PIP5K1C: variants seen among roughly 807,000 people sequenced by gnomAD.
PIP5K1C encodes phosphatidylinositol-4-phosphate 5-kinase type 1 gamma.
In PIP5K1C, 45 loss-of-function variants were observed where a neutral mutation model predicts 80.1. The ratio of observed to expected loss-of-function variants is 0.56; its 90% CI spans 0.44 to 0.72. The LOEUF is 0.72. Among genes scored for constraint, PIP5K1C ranks in the 30% least tolerant of loss-of-function variants. The pLI is 0.00. For synonymous variants in PIP5K1C, 498 were observed against 420.1 expected, an observed-to-expected ratio of 1.19 and a Z score of -2.27; for missense variants, 753 against 954.6, an observed-to-expected ratio of 0.79 and a Z score of 2.78.
At chr19:3,660,925 C>G in intron 5 of PIP5K1C, 41 bp downstream of exon 5, 1 of 1,508,126 alleles carries the variant, frequency 6.6e-7, no homozygotes, top group East Asian at 2.3e-5. Flanking sequence ...TGAACATGTT[C>G]TGTTTCAAGC....
chr19:3,644,790 C>T (rs569677012), intron 11 of PIP5K1C, among the ~76,000 whole-genome samples: 74 of 152,302 alleles, frequency 4.9e-4, no homozygotes, highest in South Asian at 1.9e-3. Context: ...GGTGATGTCC[C>T]GCACAGGGCC....
At chr19:3,661,814 C>G (rs560208876) in intron 4 of PIP5K1C, 57 bp downstream of exon 4, 1 of 1,600,804 alleles carries the variant, frequency 6.2e-7, no homozygotes, top group African/African-American at 1.3e-5. Flanking sequence ...CAGGCCACTC[C>G]GCCTCAGAGC....
At chr19:3,633,329 G>A (rs2033527004) in intron 17 of PIP5K1C, 108 bp downstream of exon 17, 3 of 820,424 alleles carry the variant, frequency 3.7e-6, no homozygotes, top group Non-Finnish European at 3.8e-6. Flanking sequence ...GGCCACCTGT[G>A]CCCTCCCGCC....
chr19:3,671,953 A>C (rs2145532972), intron 1 of PIP5K1C, among the ~76,000 whole-genome samples: 1 of 152,328 alleles, frequency 6.6e-6, no homozygotes, highest in South Asian at 2.1e-4. Flanking sequence ...AGGAAAGGCG[A>C]GCCGCGCTGC....
chr19:3,633,648 G>T (rs972041240), intron 16 of PIP5K1C, 128 bp from the exon 17 acceptor site: 1 of 587,594 alleles, frequency 1.7e-6, no homozygotes, highest in Non-Finnish European at 2.6e-6. Context: ...AAGACGAGGG[G>T]TGGCTCAGCC....
rs926352921 is a variant in PIP5K1C, at chr19:3,631,962, G to C, written c.*1205C>G. 1.3e-5 allele frequency: 2 copies of C among 152,278 alleles called. No homozygotes were observed. Among genetic ancestry groups the C allele is most frequent in the Non-Finnish European group, 2.9e-5 (2 of 68,082 alleles). 9.4% of individuals were successfully genotyped at this position (152,278 alleles called of 1,614,324 possible). ...CAATAAGCCCCTCTCAGGGGTCCTG[G>C]GGAAGGGCAGGGTGGGTGACTCTGC... is the stretch of plus-strand genomic sequence containing the variant. On this transcript the variant is annotated 3_prime_UTR_variant, in exon 18 of 18. Coordinates refer to ENST00000335312, the MANE Select transcript of PIP5K1C (RefSeq NM_012398.3).
intron 1 of PIP5K1C, among the ~76,000 whole-genome samples, chr19:3,687,902 C>T (rs2035814184): frequency 2.0e-5 from 3 of 152,202 alleles, no homozygotes; most frequent in South Asian, 2.1e-4. Flanking sequence ...TCCAGAACTC[C>T]GCAGGCCCTG....
intron 12 of PIP5K1C, 51 bp from the exon 13 acceptor site, chr19:3,643,432 A>C (rs758816584): frequency 3.7e-6 from 6 of 1,607,252 alleles, no homozygotes; most frequent in Admixed American, 3.3e-5. Context: ...GCCCCCAAAC[A>C]CACAGTCGAT....
chr19:3,665,748 G>A (rs1392207203), intron 2 of PIP5K1C, among the ~76,000 whole-genome samples: 1 of 152,166 alleles, frequency 6.6e-6, no homozygotes, highest in Non-Finnish European at 1.5e-5. Flanking sequence ...CCGACCCCAG[G>A]GGGCCTCAGC....
chr19:3,684,575 C>T (rs989740309), intron 1 of PIP5K1C, among the ~76,000 whole-genome samples: 17 of 152,242 alleles, frequency 1.1e-4, no homozygotes, highest in African/African-American at 4.1e-4. Flanking sequence ...TGTGCTGGCA[C>T]AAGCCAGATG....
intron 1 of PIP5K1C, among the ~76,000 whole-genome samples, chr19:3,683,962 G>C (rs865947202): frequency 2.9e-5 from 2 of 68,610 alleles, no homozygotes; most frequent in South Asian, 5.0e-4. Flanking sequence ...TTCCTCTCCC[G>C]GGCAGTCCCA....
intron 5 of PIP5K1C, among the ~76,000 whole-genome samples, chr19:3,660,468 G>A (rs2034797681): frequency 6.6e-6 from 1 of 152,136 alleles, no homozygotes; most frequent in South Asian, 2.1e-4. Context: ...TAGGAGCCCG[G>A]ATAATGGGCT....
chr19:3,653,157 T>TG, intron 7 of PIP5K1C, 133 bp downstream of exon 7: 3 of 738,934 alleles, frequency 4.1e-6, no homozygotes, highest in Non-Finnish European at 6.6e-6. Flanking sequence ...CACACTGGGG[T>TG]GGGGCCTGCT....
At position 3,696,533 on chromosome 19, in the gene PIP5K1C, G is replaced by A. The variant is rs1483399236; in HGVS notation, c.94+3764C>T. 6.7e-6 allele frequency among the ~76,000 whole-genome samples: 1 copy of A among 149,956 alleles called. No homozygotes were observed. Among genetic ancestry groups the A allele is most frequent in the Non-Finnish European group, 1.5e-5 (1 of 67,564 alleles). Reference sequence around the variant, plus strand: ...CAGCAGGGCAGGGAGGCCTCACGGAGAGGAGATGCTCCCACAAAACCTGGA... The same window carrying A: ...CAGCAGGGCAGGGAGGCCTCACGGAAAGGAGATGCTCCCACAAAACCTGGA... On this transcript the variant is annotated intron_variant, in intron 1 of 17. Transcript: ENST00000335312. This position sits in a 1 kb window ranked among gnomAD's most constrained non-coding sequence, Gnocchi z 4.1.
chr19:3,689,448 A>G (rs2145604659), intron 1 of PIP5K1C, among the ~76,000 whole-genome samples: 1 of 152,184 alleles, frequency 6.6e-6, no homozygotes, highest in East Asian at 1.9e-4. Context: ...CAGGAGTTCG[A>G]GACCCACCTG....
intron 6 of PIP5K1C, 98 bp downstream of exon 6, chr19:3,656,307 G>A: frequency 2.1e-6 from 3 of 1,403,488 alleles, no homozygotes; most frequent in Non-Finnish European, 3.0e-6. Flanking sequence ...ACGCCCCAAG[G>A]ATGCCTGCTT....
intron 2 of PIP5K1C, among the ~76,000 whole-genome samples, chr19:3,666,307 G>A (rs1405121503): frequency 1.3e-5 from 2 of 152,230 alleles, no homozygotes. Context: ...GGTGCCCTCA[G>A]AGGACGGCCC....
intron 1 of PIP5K1C, among the ~76,000 whole-genome samples, chr19:3,682,909 A>G (rs2035630281): frequency 6.6e-6 from 1 of 151,754 alleles, no homozygotes; most frequent in Non-Finnish European, 1.5e-5. Flanking sequence ...TTTGCTGGAC[A>G]GAGGCCCAGA....
intron 1 of PIP5K1C, among the ~76,000 whole-genome samples, chr19:3,698,844 A>G (rs4432372): frequency 0.47 from 71,252 of 151,488 alleles, 18,925 homozygotes; most frequent in African/African-American, 0.73. Flanking sequence ...AACATTCAGA[A>G]GCAGTATATG....
Sources: gnomAD v4.1 joint callset for allele counts (sites outside exome capture counted in the v4.1 genomes callset) on GRCh38, gnomAD v4.1.1 for gene constraint, Gnocchi (gnomAD v3.1) non-coding constraint, MANE v1.5 for transcripts, NCBI Gene and HGNC (gene_info 2026-07-23, HGNC 2026-07-21) for gene names.